Variants in XCR1 observed in about 807,000 individuals in gnomAD.
XCR1 encodes chemokine XC receptor 1.
For missense variants in XCR1, 356 were observed against 424.2 expected, an observed-to-expected ratio of 0.84 and a Z score of 1.41; for synonymous variants, 187 against 188.5, an observed-to-expected ratio of 0.99 and a Z score of 0.06.
chr3:46,072,373 A>C (rs1698177144), intron 3 of XCR1, among the ~76,000 whole-genome samples: 1 of 151,992 alleles, frequency 6.6e-6, no homozygotes, highest in Non-Finnish European at 1.5e-5. Context: ...ACAAAAAATT[A>C]GCTGGGCATG....
intron 4 of XCR1, among the ~76,000 whole-genome samples, chr3:46,057,890 A>G (rs202009156): frequency 3.9e-4 from 48 of 122,312 alleles, no homozygotes; most frequent in African/African-American, 6.6e-4. Context: ...CTGTCTATCT[A>G]TCTATCTATC....
At chr3:46,069,773 ATTGTTTTCTT>A (rs1290992585) in intron 3 of XCR1, among the ~76,000 whole-genome samples, 1 of 151,702 alleles carries the variant, frequency 6.6e-6, no homozygotes, top group Non-Finnish European at 1.5e-5. Context: ...GATAATTTGT[ATTGTTTTCTT>A]TTGTTTTAAT....
At chr3:46,024,811 C>A (rs557826985) in intron 1 of XCR1, among the ~76,000 whole-genome samples, 10 of 152,106 alleles carry the variant, frequency 6.6e-5, no homozygotes, top group Non-Finnish European at 1.5e-4. Context: ...TTTGAAAATA[C>A]CAAGGAGGAA....
chr3:46,068,469 A>G (rs1410747215), intron 3 of XCR1, among the ~76,000 whole-genome samples: 1 of 151,860 alleles, frequency 6.6e-6, no homozygotes, highest in Non-Finnish European at 1.5e-5. Flanking sequence ...TTCAAAGGAG[A>G]ATTACTTTGA....
chr3:46,034,527 G>A (rs921906167), intron 5 of XCR1, among the ~76,000 whole-genome samples: 11 of 151,938 alleles, frequency 7.2e-5, no homozygotes, highest in South Asian at 6.2e-4. Flanking sequence ...CATCCTTGAC[G>A]TGCTCCTATT....
At chr3:46,037,379 G>A (rs1697448781) in intron 5 of XCR1, among the ~76,000 whole-genome samples, 1 of 152,024 alleles carries the variant, frequency 6.6e-6, no homozygotes, top group Non-Finnish European at 1.5e-5. Flanking sequence ...TTTTTGGTGA[G>A]AAAGGTTATA....
At chr3:46,050,753 C>G (rs1323435910) in intron 5 of XCR1, among the ~76,000 whole-genome samples, 2 of 152,084 alleles carry the variant, frequency 1.3e-5, no homozygotes, top group African/African-American at 2.4e-5. Flanking sequence ...TCATCCTTCT[C>G]GTGTAAGGAG....
chr3:46,028,230 G>T (rs917031598), upstream of XCR1, among the ~76,000 whole-genome samples: 4 of 152,058 alleles, frequency 2.6e-5, no homozygotes, highest in Admixed American at 1.3e-4. Context: ...GCTCACCAGT[G>T]GGGGGAGTAA....
At chr3:46,040,155 A>G (rs1349391930) in intron 5 of XCR1, among the ~76,000 whole-genome samples, 1 of 152,174 alleles carries the variant, frequency 6.6e-6, no homozygotes, top group East Asian at 1.9e-4. Context: ...AGGAAGGGAG[A>G]CAGGTTTATT....
intron 4 of XCR1, among the ~76,000 whole-genome samples, chr3:46,064,222 C>T (rs1698019426): frequency 6.6e-6 from 1 of 152,152 alleles, no homozygotes; most frequent in Non-Finnish European, 1.5e-5. Flanking sequence ...ATTGACTGAA[C>T]ACATATCATG....
At chr3:46,074,691 C>A (rs1024146670) in exon 3 of XCR1, among the ~76,000 whole-genome samples, 2 of 152,044 alleles carry the variant, frequency 1.3e-5, no homozygotes, top group Admixed American at 1.3e-4. Flanking sequence ...AGGCTTTCAT[C>A]CTCATTGTCT....
chr3:46,082,430 T>C lies in XCR1; in HGVS notation c.-515+3364A>G, dbSNP rs182481561. ...GCATACACACACACACACACACACA[T>C]ATATTCTCTTAGGATATATGTAAAC... On this transcript the variant is annotated intron_variant, in intron 1 of 5. Transcript: ENST00000683768. Among the ~76,000 whole-genome samples the C allele has an allele frequency of 6.8e-4, 100 of 147,508 alleles. No individual in the cohort carries two copies. In the East Asian group the frequency reaches 8.3e-3, roughly 12 times the overall value.
intron 5 of XCR1, among the ~76,000 whole-genome samples, chr3:46,045,640 T>C (rs1697612130): frequency 6.6e-6 from 1 of 152,172 alleles, no homozygotes; most frequent in Non-Finnish European, 1.5e-5. Context: ...AAAAAACTTT[T>C]TTTAAAAACC....
At chr3:46,063,895 G>A (rs1299711107) in intron 4 of XCR1, among the ~76,000 whole-genome samples, 1 of 151,978 alleles carries the variant, frequency 6.6e-6, no homozygotes, top group African/African-American at 2.4e-5. Context: ...TTTGAGACAG[G>A]GCCTCGCTCT....
At chr3:46,053,743 T>G (rs6766515) in intron 5 of XCR1, among the ~76,000 whole-genome samples, 71,625 of 151,120 alleles carry the variant, frequency 0.47, 19,077 homozygotes, top group African/African-American at 0.73. Flanking sequence ...CCATAGCATC[T>G]TAGTTAATGT....
chr3:46,050,696 C>CA (rs1401202757), intron 5 of XCR1, among the ~76,000 whole-genome samples: 2 of 152,144 alleles, frequency 1.3e-5, no homozygotes, highest in Non-Finnish European at 2.9e-5. Flanking sequence ...GATAGTGAGA[C>CA]ACGTTCTCTT....
At chr3:46,057,411 G>A (rs1050455358) in intron 4 of XCR1, among the ~76,000 whole-genome samples, 5 of 152,154 alleles carry the variant, frequency 3.3e-5, no homozygotes, top group Admixed American at 1.3e-4. Flanking sequence ...GAAAAAATTG[G>A]CGTCTTGATT....
chr3:46,024,234 A>T (rs569982490), intron 1 of XCR1: 71 of 347,048 alleles, frequency 2.0e-4, no homozygotes, highest in African/African-American at 1.5e-3. Context: ...AAAAAAAATG[A>T]AAAGGGAAAA....
chr3:46,038,060 C>T (rs1252953007), intron 5 of XCR1, among the ~76,000 whole-genome samples: 1 of 141,154 alleles, frequency 7.1e-6, no homozygotes, highest in Non-Finnish European at 1.5e-5. Flanking sequence ...GGGAGTCTTG[C>T]TCTGTCACCC....
Sources: allele counts gnomAD v4.1 joint callset (sites outside exome capture counted in the v4.1 genomes callset), GRCh38; gene constraint gnomAD v4.1.1; transcripts MANE v1.5; gene names NCBI Gene and HGNC (gene_info 2026-07-23, HGNC 2026-07-21).